LARP4B: variants seen among roughly 807,000 people sequenced by gnomAD.
LARP4B encodes la-related protein 4B.
In LARP4B, 12 loss-of-function variants were observed where a neutral mutation model predicts 89.8. That is an observed-to-expected ratio of 0.13 (90% CI 0.09 to 0.22). LARP4B has a LOEUF of 0.22. Among genes scored for constraint, LARP4B ranks in the 10% least tolerant of loss-of-function variants. LARP4B has a pLI of 1.00. For missense variants in LARP4B, 757 were observed against 947.7 expected (o/e 0.80, Z 2.64); for synonymous variants, 367 against 363.3 (o/e 1.01, Z -0.12).
At chr10:935,540 T>G (rs1015296529), upstream of LARP4B, among the ~76,000 whole-genome samples, 3 of 152,126 alleles carry the variant, frequency 2.0e-5, no homozygotes, top group African/African-American at 7.2e-5. Flanking sequence ...CATACAATTT[T>G]CAGCTGACAC....
intron 1 of LARP4B, chr10:903,229 C>T (rs1836392228): frequency 6.6e-6 from 1 of 152,232 alleles, no homozygotes; most frequent in South Asian, 2.1e-4. Flanking sequence ...TGCACTCAGG[C>T]TCACTTATGC....
In LARP4B at chr10:833,083, A is replaced by G. The variant is rs944493323; in HGVS notation, c.751-2106T>C. Among the ~76,000 whole-genome samples, 4 of 151,998 alleles carry G rather than the reference A, an allele frequency of 2.6e-5. No individual in the cohort carries two copies. The South Asian group carries it at 6.2e-4, about 24-fold the overall frequency. On this transcript the variant is annotated intron_variant, in intron 8 of 17. Coordinates refer to ENST00000316157, the MANE Select transcript of LARP4B (RefSeq NM_015155.3). Reference sequence around the variant, plus strand: ...GAGCATGGCTGTAAGGTAAAGAGGCATGGTGCTCTGTGAATTACACGGACT... The same window carrying G: ...GAGCATGGCTGTAAGGTAAAGAGGCGTGGTGCTCTGTGAATTACACGGACT...
the LARP4B span, among the ~76,000 whole-genome samples, chr10:976,779 A>G: frequency 2.1e-5 from 3 of 146,182 alleles, no homozygotes; most frequent in Admixed American, 6.9e-5. Flanking sequence ...CTGGCCTAGT[A>G]GAATGTAGGC....
At chr10:928,245 C>A (rs927228865) in intron 1 of LARP4B, among the ~76,000 whole-genome samples, 144 of 150,694 alleles carry the variant, frequency 9.6e-4, no homozygotes, top group African/African-American at 3.5e-3. Flanking sequence ...AAAAAAAAAA[C>A]TTGTACCTTT....
intron 1 of LARP4B, among the ~76,000 whole-genome samples, chr10:907,186 G>T (rs923658024): frequency 6.6e-6 from 1 of 152,154 alleles, no homozygotes; most frequent in Non-Finnish European, 1.5e-5. Context: ...TGTCTACCCT[G>T]TTCACTGTTG....
In LARP4B at chr10:931,666, C is replaced by G. The variant is rs1438473894; in HGVS notation, c.-278G>C. Reference sequence around the variant, plus strand: ...ATGTCTCAACCCCGGGACTCCAGATCCCCAACGCTCCTTCCCGTTCGCATG... The same window carrying G: ...ATGTCTCAACCCCGGGACTCCAGATGCCCAACGCTCCTTCCCGTTCGCATG... On this transcript the variant is annotated 5_prime_UTR_variant, in exon 1 of 18. Transcript: ENST00000316157. The G allele has an allele frequency of 1.3e-5, 2 of 152,466 alleles. No individual in the cohort carries two copies. Among genetic ancestry groups the G allele is most frequent in the African/African-American group, 2.4e-5 (1 of 41,312 alleles). 9.4% of individuals were successfully genotyped at this position (152,466 alleles called of 1,614,324 possible).
At chr10:947,368 C>T in the LARP4B span, among the ~76,000 whole-genome samples, 1 of 152,052 alleles carries the variant, frequency 6.6e-6, no homozygotes, top group Non-Finnish European at 1.5e-5. Flanking sequence ...CTGTGGCTCT[C>T]GGGGGCAGGA....
intron 3 of LARP4B, among the ~76,000 whole-genome samples, chr10:883,108 G>A (rs951965286): frequency 6.6e-6 from 1 of 152,210 alleles, no homozygotes; most frequent in Admixed American, 6.5e-5. Context: ...ACAGGAACTT[G>A]TTGAAGCAAA....
the LARP4B span, chr10:942,305 G>C: frequency 1.3e-5 from 2 of 152,218 alleles, no homozygotes; most frequent in Non-Finnish European, 2.9e-5. Context: ...GGGCAGAGAA[G>C]GGATTGAAGC....
At position 831,276 on chromosome 10, in the gene LARP4B, C is replaced by CTTT. The variant is rs76857973; in HGVS notation, c.751-302_751-300dup. 4.4e-3 allele frequency among the ~76,000 whole-genome samples: 539 copies of CTTT among 121,906 alleles called. 4 individuals are homozygous for CTTT. Among genetic ancestry groups the CTTT allele is most frequent in the African/African-American group, 0.013 (431 of 32,748 alleles). 80.0% of individuals were successfully genotyped at this position (121,906 alleles called of 152,430 possible). On this transcript the variant is annotated intron_variant, in intron 8 of 17. Coordinates refer to ENST00000316157, the MANE Select transcript of LARP4B (RefSeq NM_015155.3). ...ATGTTCTGGGCTGATAACTGCACAA[C>CTTT]TTTTTTTTTTTTTTTTTTTTTAAAG...
At chr10:858,668 AT>A (rs1834430618) in intron 5 of LARP4B, among the ~76,000 whole-genome samples, 1 of 152,238 alleles carries the variant, frequency 6.6e-6, no homozygotes, top group African/African-American at 2.4e-5. Context: ...AATACACAGA[AT>A]ATATTGAGAA....
chr10:938,094 G>A, the LARP4B span, among the ~76,000 whole-genome samples: 103 of 151,920 alleles, frequency 6.8e-4, no homozygotes, highest in African/African-American at 2.3e-3. Flanking sequence ...ATGTTGTCCA[G>A]GCTGGTCTCG....
chr10:940,202 G>A, the LARP4B span, among the ~76,000 whole-genome samples: 3 of 152,038 alleles, frequency 2.0e-5, no homozygotes, highest in African/African-American at 7.3e-5. Flanking sequence ...TTTTTAGTAG[G>A]GACGGGGTTT....
intron 13 of LARP4B, among the ~76,000 whole-genome samples, chr10:823,541 T>C (rs1396019550): frequency 6.6e-6 from 1 of 151,816 alleles, no homozygotes; most frequent in African/African-American, 2.4e-5. Context: ...AGGAAACTCC[T>C]TGTGACGCTC....
chr10:837,963 T>A (rs1018976578), intron 7 of LARP4B, among the ~76,000 whole-genome samples: 4 of 151,958 alleles, frequency 2.6e-5, no homozygotes, highest in Non-Finnish European at 4.4e-5. Context: ...GCTGTACACT[T>A]AGAGAGCATA....
intron 5 of LARP4B, among the ~76,000 whole-genome samples, chr10:851,821 T>C (rs1293531752): frequency 6.6e-6 from 1 of 152,170 alleles, no homozygotes; most frequent in Non-Finnish European, 1.5e-5. Flanking sequence ...TCTCAGCATC[T>C]AGAGAGGCTG....
At chr10:973,175 T>G in the LARP4B span, among the ~76,000 whole-genome samples, 1 of 151,876 alleles carries the variant, frequency 6.6e-6, no homozygotes, top group East Asian at 1.9e-4. Flanking sequence ...AAAGCCCTGA[T>G]GGAAATGGGC....
chr10:976,774 C>T, the LARP4B span, among the ~76,000 whole-genome samples: 13 of 150,904 alleles, frequency 8.6e-5, no homozygotes, highest in African/African-American at 3.2e-4. Flanking sequence ...TGGACCTGGC[C>T]TAGTAGAATG....
intron 1 of LARP4B, among the ~76,000 whole-genome samples, chr10:887,040 T>G (rs764939724): frequency 1.3e-5 from 2 of 152,024 alleles, no homozygotes; most frequent in African/African-American, 4.8e-5. Flanking sequence ...TGAGCTGAGA[T>G]AGTGCCATTG....
Sources: allele counts gnomAD v4.1 joint callset (sites outside exome capture counted in the v4.1 genomes callset), GRCh38; gene constraint gnomAD v4.1.1; transcripts MANE v1.5; gene names NCBI Gene and HGNC (gene_info 2026-07-23, HGNC 2026-07-21).